The following MTHFD1L variants were observed in gnomAD, a reference collection of about 807,000 sequenced individuals.
MTHFD1L encodes monofunctional C1-tetrahydrofolate synthase, mitochondrial.
A neutral mutation model predicts 119.5 loss-of-function variants in MTHFD1L; 81 were observed. That is an observed-to-expected ratio of 0.68 (90% CI 0.57 to 0.82). MTHFD1L has a LOEUF of 0.82. Among genes scored for constraint, MTHFD1L ranks in the 40% least tolerant of loss-of-function variants. MTHFD1L has a pLI of 0.00. For synonymous variants in MTHFD1L, 430 were observed against 475.2 expected, an observed-to-expected ratio of 0.90 and a Z score of 1.24; for missense variants, 1,125 against 1,253.4, an observed-to-expected ratio of 0.90 and a Z score of 1.55.
intron 12 of MTHFD1L, 54 bp from the exon 13 acceptor site, chr6:150,938,645 C>T (rs1026948289): frequency 8.9e-6 from 14 of 1,575,104 alleles, no homozygotes; most frequent in East Asian, 2.3e-5. Context: ...CTGTGTCCAT[C>T]GTGGCAGCTG....
intron 11 of MTHFD1L, among the ~76,000 whole-genome samples, chr6:150,932,737 C>T (rs1368339576): frequency 6.7e-6 from 1 of 150,236 alleles, no homozygotes; most frequent in Non-Finnish European, 1.5e-5. Context: ...CACTGCACTC[C>T]AGCCTGGGCA....
chr6:150,969,849 A>G (rs1157956175), intron 19 of MTHFD1L, among the ~76,000 whole-genome samples: 1 of 152,216 alleles, frequency 6.6e-6, no homozygotes, highest in African/African-American at 2.4e-5. Context: ...GTTCCGTGTC[A>G]TCGATTTCAT....
intron 8 of MTHFD1L, among the ~76,000 whole-genome samples, chr6:150,906,613 G>T (rs903720077): frequency 1.3e-5 from 2 of 152,264 alleles, no homozygotes; most frequent in Non-Finnish European, 1.5e-5. Context: ...TTGTGTGGAA[G>T]AGAGGACTGT....
intron 19 of MTHFD1L, among the ~76,000 whole-genome samples, 197 bp from the exon 20 acceptor site, chr6:150,971,750 A>G (rs908391707): frequency 6.6e-6 from 1 of 152,178 alleles, no homozygotes; most frequent in Non-Finnish European, 1.5e-5. Context: ...TTAAATGTAG[A>G]ATAACATTTT....
intron 26 of MTHFD1L, among the ~76,000 whole-genome samples, chr6:151,086,944 T>A (rs1485051932): frequency 2.6e-5 from 4 of 152,080 alleles, no homozygotes; most frequent in African/African-American, 9.7e-5. Flanking sequence ...GAAAAGAAAA[T>A]CTTTTTATTT....
At chr6:151,042,638 T>C (rs1787304096) in intron 26 of MTHFD1L, among the ~76,000 whole-genome samples, 2 of 152,244 alleles carry the variant, frequency 1.3e-5, no homozygotes, top group Non-Finnish European at 2.9e-5. Context: ...TAAGTTTCTA[T>C]AATTTACAAG....
chr6:151,053,739 A>T (rs1162595233), intron 26 of MTHFD1L, among the ~76,000 whole-genome samples: 1 of 151,942 alleles, frequency 6.6e-6, no homozygotes, highest in African/African-American at 2.4e-5. Flanking sequence ...GGACTCCTAT[A>T]ATCCCAGCTA....
intron 16 of MTHFD1L, among the ~76,000 whole-genome samples, chr6:150,953,282 G>A (rs987448563): frequency 5.9e-5 from 9 of 152,206 alleles, no homozygotes; most frequent in Admixed American, 5.2e-4. Flanking sequence ...ATGTTCCTTA[G>A]GACATAGTCA....
chr6:150,926,227 C>T lies in MTHFD1L; in HGVS notation c.1188C>T (p.Ala396=). The part of the protein sequence containing the change: ...DEIEIYGKSK[A]KVRLSVLERL... ...TTGAAATCTATGGCAAAAGCAAAGC[C>T]AAAGTACGTTTGTCCGTGCTAGAAA... The change falls in exon 11 of 28, where the codon GCC becomes GCT. Residue 396 remains alanine (A), a synonymous_variant. Coordinates refer to ENST00000367321, the MANE Select transcript of MTHFD1L (RefSeq NM_015440.5). The surrounding 1 kb of genome is among the most constrained non-coding windows in gnomAD (Gnocchi z 4.3). The T allele has an allele frequency of 6.2e-7, 1 of 1,614,034 alleles. No individual in the cohort carries two copies. The highest frequency in any genetic ancestry group is 8.5e-7 in the Non-Finnish European group (1 of 1,180,002).
intron 7 of MTHFD1L, among the ~76,000 whole-genome samples, chr6:150,903,879 C>T (rs944248682): frequency 1.3e-5 from 2 of 152,248 alleles, no homozygotes; most frequent in Non-Finnish European, 2.9e-5. Context: ...TCCCTATTTA[C>T]ATGGTCAAAT....
chr6:150,911,554 G>C (rs765114626), intron 8 of MTHFD1L, among the ~76,000 whole-genome samples: 2 of 152,126 alleles, frequency 1.3e-5, no homozygotes, highest in Non-Finnish European at 2.9e-5. Flanking sequence ...TTGCTTGGAA[G>C]GCCTTCTGGA....
rs146714112 is a variant in MTHFD1L at position 151,006,313 on chromosome 6, A to G, written c.2126-3506A>G. The stretch of plus-strand genomic sequence containing the variant: ...CGGGTTAAAGAGGCAGAGAGGGGAG[A>G]GAGGAATGTTCCACATGGGAAAAGA... On this transcript the variant is annotated intron_variant, in intron 20 of 27. Transcript: ENST00000367321. 5.9e-5 allele frequency among the ~76,000 whole-genome samples: 9 copies of G among 152,284 alleles called. No homozygotes were observed. In the East Asian group the frequency reaches 1.7e-3, roughly 29 times the overall value.
chr6:150,938,005 G>T (rs376569623), intron 12 of MTHFD1L, among the ~76,000 whole-genome samples: 1 of 151,928 alleles, frequency 6.6e-6, no homozygotes, highest in South Asian at 2.1e-4. Flanking sequence ...TTATGCGGTG[G>T]TTTTTTTGTT....
intron 8 of MTHFD1L, among the ~76,000 whole-genome samples, chr6:150,909,624 C>G (rs1786526421): frequency 6.6e-6 from 1 of 152,156 alleles, no homozygotes. Context: ...TCATCATAAG[C>G]AAAATCATTT....
chr6:150,983,800 A>G (rs1777876413), intron 20 of MTHFD1L, among the ~76,000 whole-genome samples: 1 of 151,964 alleles, frequency 6.6e-6, no homozygotes, highest in African/African-American at 2.4e-5. Flanking sequence ...TTTGTTTTTA[A>G]TTTTTTGAGA....
At chr6:150,950,663 T>C (rs1242010051) in intron 16 of MTHFD1L, among the ~76,000 whole-genome samples, 1 of 151,932 alleles carries the variant, frequency 6.6e-6, no homozygotes, top group East Asian at 1.9e-4. Flanking sequence ...TTGAGTAGAG[T>C]TTTTTGTTTG....
intron 24 of MTHFD1L, among the ~76,000 whole-genome samples, chr6:151,023,048 GTT>G (rs34683676): frequency 1.6e-4 from 21 of 134,134 alleles, no homozygotes; most frequent in Non-Finnish European, 2.7e-4. Context: ...TGGTTTTTGG[GTT>G]TTTTTTTTTT....
At chr6:151,043,802 G>A (rs560405201) in intron 26 of MTHFD1L, among the ~76,000 whole-genome samples, 153 of 152,260 alleles carry the variant, frequency 1.0e-3, no homozygotes, top group Non-Finnish European at 2.0e-3. Context: ...CAGCCTGGCC[G>A]GTTTTGTAAA....
chr6:151,013,874 C>T (rs916902507), intron 22 of MTHFD1L, 54 bp downstream of exon 22: 9 of 1,516,956 alleles, frequency 5.9e-6, no homozygotes, highest in Admixed American at 3.5e-5. Context: ...TCCAGTGACT[C>T]GTTGGCTTTC....
Sources: gnomAD v4.1 joint callset for allele counts (sites outside exome capture counted in the v4.1 genomes callset) on GRCh38, gnomAD v4.1.1 for gene constraint, Gnocchi (gnomAD v3.1) non-coding constraint, MANE v1.5 for transcripts, NCBI Gene and HGNC (gene_info 2026-07-23, HGNC 2026-07-21) for gene names.